The following OPCML variants were observed in gnomAD, a reference collection of about 807,000 sequenced individuals.
OPCML encodes the protein opioid-binding protein/cell adhesion molecule.
OPCML carries 13 observed loss-of-function variants against 37.8 expected under a neutral mutation model. The observed-to-expected ratio is 0.34, with a 90% CI of 0.22 to 0.55. The LOEUF (loss-of-function observed/expected upper bound fraction) is 0.55, where lower values mean the gene tolerates loss of function less well. OPCML is among the 20% of genes least tolerant of loss of function. The pLI, the probability that OPCML is intolerant of heterozygous loss-of-function variation, is 0.91. For missense variants in OPCML, 341 were observed against 435.6 expected, an observed-to-expected ratio of 0.78 and a Z score of 1.93; for synonymous variants, 176 against 168.8, an observed-to-expected ratio of 1.04 and a Z score of -0.33.
chr11:132,427,491 C>A (rs927439786), intron 7 of OPCML, among the ~76,000 whole-genome samples: 1 of 152,164 alleles, frequency 6.6e-6, no homozygotes, highest in Non-Finnish European at 1.5e-5. Context: ...GCAAACGTGG[C>A]GCTGTGTTGT....
intron 1 of OPCML, among the ~76,000 whole-genome samples, chr11:133,434,823 T>TATATATATAC (rs1228363623): frequency 7.1e-6 from 1 of 140,642 alleles, no homozygotes; most frequent in African/African-American, 2.7e-5. Context: ...TATATATATA[T>TATATATATAC]ACACACACAT....
intron 3 of OPCML, among the ~76,000 whole-genome samples, chr11:132,605,503 G>T (rs1293388639): frequency 2.6e-5 from 4 of 152,094 alleles, no homozygotes; most frequent in Admixed American, 6.5e-5. Context: ...GGTGGAGGTT[G>T]CAGTGAGCCA....
intron 1 of OPCML, among the ~76,000 whole-genome samples, chr11:133,115,927 A>C (rs1317867919): frequency 6.6e-6 from 1 of 152,042 alleles, no homozygotes; most frequent in Non-Finnish European, 1.5e-5. Flanking sequence ...TTTTCCCCTA[A>C]AATACTTTAG....
chr11:133,475,529 T>C (rs962078703), intron 1 of OPCML, among the ~76,000 whole-genome samples: 8 of 152,154 alleles, frequency 5.3e-5, no homozygotes, highest in African/African-American at 1.7e-4. Context: ...CCCATTGCAG[T>C]AACACAAAGG....
intron 1 of OPCML, among the ~76,000 whole-genome samples, chr11:133,128,842 T>C (rs1050085033): frequency 6.6e-6 from 1 of 152,092 alleles, no homozygotes; most frequent in African/African-American, 2.4e-5. Context: ...AATGAAGCTC[T>C]CATGAGGACC....
At chr11:133,284,187 G>A (rs1013323503) in intron 1 of OPCML, among the ~76,000 whole-genome samples, 1 of 152,198 alleles carries the variant, frequency 6.6e-6, no homozygotes, top group Non-Finnish European at 1.5e-5. Flanking sequence ...GGGGAGGTAA[G>A]AGGGAGGATA....
chr11:133,371,510 G>T (rs1368625240), intron 1 of OPCML, among the ~76,000 whole-genome samples: 1 of 152,162 alleles, frequency 6.6e-6, no homozygotes, highest in African/African-American at 2.4e-5. Flanking sequence ...GGATCATGGG[G>T]GCAGTTTCCC....
At position 132,999,577 on chromosome 11, in the gene OPCML, G is replaced by GGAGGA. The variant is rs372561939; in HGVS notation, c.62-56568_62-56567insTCCTC. On this transcript the variant is annotated intron_variant, in intron 1 of 7. Transcript: ENST00000524381. Reference sequence around the variant, plus strand: ...CAAGTGACAAATGGGGTCGGGGGGGGAATGCCACCGGTAATGAACAAAAGC... The same window carrying GGAGGA: ...CAAGTGACAAATGGGGTCGGGGGGGGGAGGAAATGCCACCGGTAATGAACAAAAGC... Among the ~76,000 whole-genome samples, 15 of 146,660 alleles carry GGAGGA rather than the reference G, an allele frequency of 1.0e-4. 1 individual carries two copies. Among genetic ancestry groups the GGAGGA allele is most frequent in the African/African-American group, 4.0e-4 (15 of 37,260 alleles).
chr11:133,313,799 G>C (rs1160169690), intron 1 of OPCML, among the ~76,000 whole-genome samples: 1 of 152,090 alleles, frequency 6.6e-6, no homozygotes, highest in Non-Finnish European at 1.5e-5. Context: ...AGATTTCTGT[G>C]CTATAAAACT....
chr11:133,349,060 T>C (rs531303288), intron 1 of OPCML, among the ~76,000 whole-genome samples: 1 of 152,306 alleles, frequency 6.6e-6, no homozygotes, highest in South Asian at 2.1e-4. Flanking sequence ...ATCGCATTAA[T>C]TGTATCTACT....
At chr11:132,603,305 C>T (rs1938051246) in intron 3 of OPCML, among the ~76,000 whole-genome samples, 1 of 152,154 alleles carries the variant, frequency 6.6e-6, no homozygotes, top group Non-Finnish European at 1.5e-5. Flanking sequence ...AAGCCAGTAC[C>T]TACTCCTGTG....
intron 1 of OPCML, among the ~76,000 whole-genome samples, chr11:133,093,932 A>G (rs1233347275): frequency 6.6e-6 from 1 of 152,228 alleles, no homozygotes; most frequent in Non-Finnish European, 1.5e-5. Flanking sequence ...ATATAAAATT[A>G]AGTCAAAGTC....
In OPCML at chr11:133,212,215, A is replaced by C. The variant is rs960125279; in HGVS notation, c.62-269205T>G. Among the ~76,000 whole-genome samples, 1 of 151,902 alleles carries C rather than the reference A, an allele frequency of 6.6e-6. No homozygotes were observed. Among genetic ancestry groups the C allele is most frequent in the Non-Finnish European group, 1.5e-5 (1 of 67,976 alleles). ...ACCAAACCAGCAAGGACAACAACAA[A>C]AGCAATTTTTCCTGCCCACCACCCC... On this transcript the variant is annotated intron_variant, in intron 1 of 7. Transcript: ENST00000524381. This position sits in a 1 kb window ranked among gnomAD's most constrained non-coding sequence, Gnocchi z 4.9.
intron 1 of OPCML, chr11:133,360,017 G>A (rs1215905686): frequency 2.6e-5 from 4 of 152,134 alleles, no homozygotes; most frequent in African/African-American, 9.7e-5. Context: ...CAATGAACAC[G>A]GATCCCAAGA....
intron 3 of OPCML, among the ~76,000 whole-genome samples, chr11:132,599,642 C>T (rs892124815): frequency 2.0e-5 from 3 of 152,204 alleles, no homozygotes; most frequent in East Asian, 1.9e-4. Context: ...GAAGAAGCCC[C>T]GAGTGCCTAC....
chr11:133,267,651 T>C (rs1276120405), intron 1 of OPCML, among the ~76,000 whole-genome samples: 1 of 152,188 alleles, frequency 6.6e-6, no homozygotes, highest in Non-Finnish European at 1.5e-5. Context: ...GGTTTTTCTG[T>C]GTCCCTACCC....
chr11:133,508,598 G>A (rs1435921414), intron 1 of OPCML, among the ~76,000 whole-genome samples: 1 of 152,202 alleles, frequency 6.6e-6, no homozygotes, highest in Non-Finnish European at 1.5e-5. Context: ...GGCTGCCGCA[G>A]GCAATGCTCC....
intron 4 of OPCML, among the ~76,000 whole-genome samples, chr11:132,525,294 A>G (rs1395116049): frequency 2.0e-5 from 3 of 152,170 alleles, no homozygotes; most frequent in Non-Finnish European, 2.9e-5. Flanking sequence ...TCATATTGCC[A>G]TCTTAAACTG....
intron 1 of OPCML, among the ~76,000 whole-genome samples, chr11:133,233,399 G>T (rs775919601): frequency 3.3e-5 from 5 of 152,180 alleles, no homozygotes; most frequent in Non-Finnish European, 4.4e-5. Flanking sequence ...TAAGAGAAAG[G>T]TGCCCTCCCT....
Sources: gnomAD v4.1 joint callset for allele counts (sites outside exome capture counted in the v4.1 genomes callset) on GRCh38, gnomAD v4.1.1 for gene constraint, Gnocchi (gnomAD v3.1) non-coding constraint, MANE v1.5 for transcripts, NCBI Gene and HGNC (gene_info 2026-07-23, HGNC 2026-07-21) for gene names.